LRBA: variants seen among roughly 807,000 people sequenced by gnomAD.
LRBA encodes the protein LPS responsive beige-like anchor protein.
Under a neutral mutation model 330.0 loss-of-function variants are expected in LRBA, and 176 were observed. That is an observed-to-expected ratio of 0.53 (90% confidence interval 0.47 to 0.60). The LOEUF is 0.60. Among genes scored for constraint, LRBA ranks in the 20% least tolerant of loss-of-function variants. The pLI is 0.00. For synonymous variants in LRBA, 1,230 were observed against 1,193.0 expected, an observed-to-expected ratio of 1.03 and a Z score of -0.64; for missense variants, 3,259 against 3,444.8, an observed-to-expected ratio of 0.95 and a Z score of 1.35.
At chr4:150,928,706 C>G in intron 3 of LRBA, 90 bp from the exon 4 acceptor site, 1 of 1,270,674 alleles carries the variant, frequency 7.9e-7, no homozygotes, top group Non-Finnish European at 1.1e-6. Context: ...GGCTTGGACA[C>G]TAAAGTTCTA....
chr4:150,480,758 T>G (rs1581436212), intron 42 of LRBA, among the ~76,000 whole-genome samples: 2 of 152,178 alleles, frequency 1.3e-5, no homozygotes, highest in African/African-American at 2.4e-5. Context: ...TACGCAGTGA[T>G]GTGATATACA....
intron 34 of LRBA, among the ~76,000 whole-genome samples, chr4:150,776,469 TA>T (rs1294713364): frequency 1.3e-5 from 2 of 152,212 alleles, no homozygotes; most frequent in African/African-American, 4.8e-5. Context: ...TGTTTCGTAT[TA>T]TACTATTATT....
chr4:150,321,412 T>G lies in LRBA; in HGVS notation c.7453-44A>C, dbSNP rs369365542. ...TTGAGTGGGCATGACAAGACCCAAATAGACAAGAAGGAAAAGATGAAGAAA... is the reference window on the plus strand; with the variant it reads ...TTGAGTGGGCATGACAAGACCCAAAGAGACAAGAAGGAAAAGATGAAGAAA... On this transcript the variant is annotated intron_variant, in intron 49 of 56. Coordinates refer to ENST00000651943, the MANE Select transcript of LRBA (RefSeq NM_001364905.1). This position sits in a 1 kb window ranked among gnomAD's most constrained non-coding sequence, Gnocchi z 4.5. The G allele has an allele frequency of 6.1e-5, 90 of 1,476,248 alleles. No individual in the cohort carries two copies. Among genetic ancestry groups the G allele is most frequent in the Non-Finnish European group, 7.8e-5 (87 of 1,109,350 alleles). The allele number at this position is 1,476,248 out of a possible 1,614,324, so 91.4% of individuals were successfully genotyped here. A position where few individuals can be genotyped will look rare whatever the true frequency, so the allele number is the denominator to read the frequency against.
In LRBA at chr4:150,850,918, A is replaced by G. The variant is rs1258918900; in HGVS notation, c.3826-16T>C. The G allele has an allele frequency of 4.4e-6, 7 of 1,580,716 alleles. No homozygotes were observed. The highest frequency in any genetic ancestry group is 1.2e-5 in the South Asian group (1 of 86,748). On this transcript the variant is annotated splice_polypyrimidine_tract_variant and intron_variant, in intron 23 of 56. Coordinates refer to ENST00000651943, the MANE Select transcript of LRBA (RefSeq NM_001364905.1). ...GCCTTGATATCTAATACAGAAATTT[A>G]AAAAGTAATAAAATAGGTTCAACTT...
intron 47 of LRBA, among the ~76,000 whole-genome samples, chr4:150,405,511 T>C (rs1249369981): frequency 6.6e-6 from 1 of 152,200 alleles, no homozygotes; most frequent in African/African-American, 2.4e-5. Flanking sequence ...TGATGCCATT[T>C]TGAAATGTTT....
At chr4:150,652,780 A>G (rs561805070) in intron 37 of LRBA, among the ~76,000 whole-genome samples, 12 of 152,302 alleles carry the variant, frequency 7.9e-5, no homozygotes, top group African/African-American at 2.9e-4. Flanking sequence ...CTCAACAGCC[A>G]CATGTGGCAA....
intron 46 of LRBA, among the ~76,000 whole-genome samples, chr4:150,417,901 G>A (rs1326153043): frequency 6.6e-6 from 1 of 151,878 alleles, no homozygotes; most frequent in Non-Finnish European, 1.5e-5. Flanking sequence ...AAAATATTAT[G>A]ATTTTGTATA....
chr4:150,855,495 T>A (rs573914756), intron 22 of LRBA, among the ~76,000 whole-genome samples: 1 of 152,322 alleles, frequency 6.6e-6, no homozygotes, highest in Admixed American at 6.5e-5. Context: ...TTAGAATTTG[T>A]ATTATACAAT....
chr4:150,390,139 A>T (rs1037891331), intron 47 of LRBA, among the ~76,000 whole-genome samples: 9 of 152,136 alleles, frequency 5.9e-5, no homozygotes, highest in Non-Finnish European at 1.0e-4. Flanking sequence ...CCGATTAAAT[A>T]AAGGAAGTTT....
At chr4:150,598,201 C>A (rs1329703979) in intron 38 of LRBA, among the ~76,000 whole-genome samples, 1 of 152,002 alleles carries the variant, frequency 6.6e-6, no homozygotes, top group Non-Finnish European at 1.5e-5. Flanking sequence ...TATTAAAAAC[C>A]AATTTATATT....
intron 37 of LRBA, among the ~76,000 whole-genome samples, chr4:150,648,550 T>A (rs1779416573): frequency 6.6e-6 from 1 of 151,798 alleles, no homozygotes; most frequent in African/African-American, 2.4e-5. Flanking sequence ...ATCAAAAACA[T>A]GCCCCCCCAC....
chr4:150,517,096 C>T (rs917541204), intron 40 of LRBA, among the ~76,000 whole-genome samples: 1 of 152,078 alleles, frequency 6.6e-6, no homozygotes, highest in Admixed American at 6.5e-5. Context: ...GTGAGATAAA[C>T]AAACATACCA....
chr4:150,851,944 G>A lies in LRBA; in HGVS notation c.3766C>T (p.Leu1256=). The change falls in exon 23 of 57, where the codon CTG becomes TTG. Residue 1256 remains leucine (L), a synonymous_variant. Transcript: ENST00000651943. ...ACGTTGGGACTGGCCTTCAACTCCA[G>A]CCTCTCAGTATCTGTAGCAACATTG... ...VSNVATDTER[L]ELKASPNVEA... 6.2e-7 allele frequency: 1 copy of A among 1,614,068 alleles called. No individual in the cohort carries two copies. Among genetic ancestry groups the A allele is most frequent in the Middle Eastern group, 1.6e-4 (1 of 6,062 alleles).
In LRBA at chr4:150,470,953, C is replaced by A. The variant is rs908990821; in HGVS notation, c.6667+671G>T. Among the ~76,000 whole-genome samples, 5 of 152,012 alleles carry A rather than the reference C, an allele frequency of 3.3e-5. No individual in the cohort carries two copies. In the South Asian group the frequency reaches 1.0e-3, roughly 32 times the overall value. ...CAAATTTATCTTACACACACAGCCT[C>A]CAAGTTAATTTTTGATGCAGCTCTA... On this transcript the variant is annotated intron_variant, in intron 43 of 56. Coordinates refer to ENST00000651943, the MANE Select transcript of LRBA (RefSeq NM_001364905.1).
intron 46 of LRBA, among the ~76,000 whole-genome samples, chr4:150,434,984 A>G (rs1419206548): frequency 2.6e-5 from 4 of 151,360 alleles, no homozygotes; most frequent in African/African-American, 9.7e-5. Context: ...TAAAAAAAAC[A>G]CTCTACAACA....
At chr4:150,634,641 T>C (rs1386595331) in intron 37 of LRBA, among the ~76,000 whole-genome samples, 1 of 152,204 alleles carries the variant, frequency 6.6e-6, no homozygotes, top group African/African-American at 2.4e-5. Flanking sequence ...CATATATTTC[T>C]TCTTTGCATT....
intron 36 of LRBA, among the ~76,000 whole-genome samples, chr4:150,727,842 TAGA>T (rs1729910098): frequency 6.6e-6 from 1 of 151,980 alleles, no homozygotes; most frequent in African/African-American, 2.4e-5. Context: ...TCAAAATTAG[TAGA>T]AGAAAAGAAA....
At chr4:150,363,669 ATTAG>A (rs1194466272) in intron 47 of LRBA, among the ~76,000 whole-genome samples, 2 of 152,182 alleles carry the variant, frequency 1.3e-5, no homozygotes, top group Non-Finnish European at 2.9e-5. Context: ...TATTTCTCTA[ATTAG>A]TTACTGTCAT....
At chr4:150,773,290 C>A (rs1431630535) in intron 34 of LRBA, among the ~76,000 whole-genome samples, 1 of 152,194 alleles carries the variant, frequency 6.6e-6, no homozygotes, top group Non-Finnish European at 1.5e-5. Flanking sequence ...ATACTCCTGA[C>A]ATAGAGCAGT....
Sources: gnomAD v4.1 joint callset for allele counts (sites outside exome capture counted in the v4.1 genomes callset) on GRCh38, gnomAD v4.1.1 for gene constraint, Gnocchi (gnomAD v3.1) non-coding constraint, MANE v1.5 for transcripts, NCBI Gene and HGNC (gene_info 2026-07-23, HGNC 2026-07-21) for gene names.